The following CALN1 variants were observed in gnomAD, a reference collection of about 807,000 sequenced individuals.
The protein encoded by CALN1 is calneuron 1, also known as calcium-binding protein 8.
CALN1 carries 17 observed loss-of-function variants against 30.6 expected under a neutral mutation model. That is an observed-to-expected ratio of 0.56 (90% CI 0.38 to 0.83). CALN1 has a LOEUF of 0.83. Ranked by LOEUF, CALN1 falls within the 40% of genes least tolerant of loss-of-function variation. The pLI, the probability that CALN1 is intolerant of heterozygous loss-of-function variation, is 0.00. For synonymous variants in CALN1, 156 were observed against 131.4 expected (o/e 1.19, Z -1.28); for missense variants, 291 against 354.9 (o/e 0.82, Z 1.45).
chr7:72,037,527 A>C (rs1801875526), intron 4 of CALN1, among the ~76,000 whole-genome samples: 1 of 152,230 alleles, frequency 6.6e-6, no homozygotes, highest in East Asian at 1.9e-4. Context: ...AAGACTAAAC[A>C]ATGAATTCAG....
intron 5 of CALN1, among the ~76,000 whole-genome samples, chr7:71,947,924 G>C (rs1174885290): frequency 3.3e-5 from 4 of 122,174 alleles, no homozygotes; most frequent in Non-Finnish European, 6.8e-5. Context: ...GACAGAGCAA[G>C]ACTCCGTCTC....
chr7:71,850,838 T>C (rs548892674), intron 5 of CALN1, among the ~76,000 whole-genome samples: 22 of 151,006 alleles, frequency 1.5e-4, no homozygotes, highest in African/African-American at 5.4e-4. Context: ...AGGCAGAAAG[T>C]AGTGGTTGAC....
chr7:72,384,761 G>A (rs1216827486), intron 2 of CALN1, among the ~76,000 whole-genome samples: 2 of 152,016 alleles, frequency 1.3e-5, no homozygotes, highest in African/African-American at 4.8e-5. Context: ...TTGGTGGTGA[G>A]CTTTCAGATA....
chr7:72,356,835 T>C (rs1803261561), intron 2 of CALN1, among the ~76,000 whole-genome samples: 1 of 152,030 alleles, frequency 6.6e-6, no homozygotes, highest in South Asian at 2.1e-4. Flanking sequence ...AGTCTGGGCA[T>C]GTTGAAACGG....
At chr7:72,443,024 G>C (rs1808406412) in intron 1 of CALN1, among the ~76,000 whole-genome samples, 1 of 152,186 alleles carries the variant, frequency 6.6e-6, no homozygotes, top group Non-Finnish European at 1.5e-5. Context: ...CTTTATGTAG[G>C]GTTGCACTTA....
intron 5 of CALN1, among the ~76,000 whole-genome samples, chr7:71,830,852 C>T (rs1789234399): frequency 6.6e-6 from 1 of 152,162 alleles, no homozygotes; most frequent in South Asian, 2.1e-4. Context: ...CCAAATCACA[C>T]ATCTTCATTT....
intron 3 of CALN1, among the ~76,000 whole-genome samples, chr7:72,186,435 T>A (rs565621818): frequency 1.3e-5 from 2 of 152,202 alleles, no homozygotes; most frequent in African/African-American, 2.4e-5. Context: ...TGAATTTTTT[T>A]AAACTGTACA....
intron 2 of CALN1, among the ~76,000 whole-genome samples, chr7:72,310,321 C>G (rs1024189790): frequency 6.7e-6 from 1 of 150,006 alleles, no homozygotes; most frequent in African/African-American, 2.5e-5. Context: ...TTGATATGAT[C>G]CAGAAGATAC....
chr7:72,007,676 C>T (rs951193760), intron 5 of CALN1, among the ~76,000 whole-genome samples: 3 of 152,140 alleles, frequency 2.0e-5, no homozygotes, highest in African/African-American at 4.8e-5. Context: ...GTGCGAGAGC[C>T]TTGTTTATTG....
chr7:72,333,305 T>G (rs1350967312), intron 2 of CALN1, among the ~76,000 whole-genome samples: 3 of 152,250 alleles, frequency 2.0e-5, no homozygotes, highest in Admixed American at 2.0e-4. Context: ...ACAGGCACTG[T>G]GTCAACTTCA....
intron 5 of CALN1, among the ~76,000 whole-genome samples, chr7:72,013,455 T>C (rs1800206896): frequency 6.6e-6 from 1 of 151,928 alleles, no homozygotes; most frequent in Non-Finnish European, 1.5e-5. Context: ...TCTCACTATG[T>C]CGCCTAGGCT....
chr7:72,107,340 T>C (rs1231292693), intron 3 of CALN1, among the ~76,000 whole-genome samples: 3 of 152,344 alleles, frequency 2.0e-5, no homozygotes, highest in Middle Eastern at 3.4e-3. Flanking sequence ...CGGCTGTTTT[T>C]GACTCATTCT....
At chr7:72,108,343 T>C (rs542511575) in intron 3 of CALN1, among the ~76,000 whole-genome samples, 13 of 152,362 alleles carry the variant, frequency 8.5e-5, no homozygotes, top group African/African-American at 2.9e-4. Context: ...TTCTGTAAGA[T>C]AGCATTTATA....
At chr7:71,985,911 A>T (rs1465901644) in intron 5 of CALN1, among the ~76,000 whole-genome samples, 1 of 151,860 alleles carries the variant, frequency 6.6e-6, no homozygotes, top group Non-Finnish European at 1.5e-5. Context: ...TTTCAATAGC[A>T]ACATGACTTG....
At chr7:72,321,759 G>A (rs972932414) in intron 2 of CALN1, among the ~76,000 whole-genome samples, 1 of 152,134 alleles carries the variant, frequency 6.6e-6, no homozygotes, top group African/African-American at 2.4e-5. Context: ...CAGTCTTTCT[G>A]GATAGCTCTG....
At chr7:72,272,607 A>G (rs962561829) in intron 3 of CALN1, among the ~76,000 whole-genome samples, 4 of 152,272 alleles carry the variant, frequency 2.6e-5, no homozygotes, top group South Asian at 2.1e-4. Context: ...ATTTTGAGAC[A>G]TGCACACATG....
chr7:72,295,988 T>G (rs1221342710), intron 2 of CALN1, among the ~76,000 whole-genome samples: 1 of 151,960 alleles, frequency 6.6e-6, no homozygotes, highest in African/African-American at 2.4e-5. Context: ...CAGTATGATA[T>G]TGGCTGTGGG....
intron 1 of CALN1, 132 bp downstream of exon 1, chr7:72,411,926 C>T (rs1263262699): frequency 2.6e-5 from 4 of 152,248 alleles, no homozygotes; most frequent in South Asian, 4.1e-4. Context: ...AAGAAAAAAT[C>T]ATAGATTAAA....
intron 3 of CALN1, among the ~76,000 whole-genome samples, chr7:72,184,975 AT>A (rs555988535): frequency 1.3e-5 from 2 of 150,604 alleles, no homozygotes; most frequent in African/African-American, 2.4e-5. Flanking sequence ...TTTTATTTTA[AT>A]TTTTTTTTGT....
Sources: allele counts gnomAD v4.1 joint callset (sites outside exome capture counted in the v4.1 genomes callset), GRCh38; gene constraint gnomAD v4.1.1; transcripts MANE v1.5; gene names NCBI Gene and HGNC (gene_info 2026-07-23, HGNC 2026-07-21).